Variants in CDH23 observed in about 807,000 individuals in gnomAD.
CDH23 encodes cadherin-23.
A neutral mutation model predicts 317.1 loss-of-function variants in CDH23; 189 were observed. The observed-to-expected ratio is 0.60, with a 90% CI of 0.53 to 0.67. The LOEUF is 0.67. Among genes scored for constraint, CDH23 ranks in the 30% least tolerant of loss-of-function variants. The pLI, the probability that CDH23 is intolerant of heterozygous loss-of-function variation, is 0.00. For synonymous variants in CDH23, 1,839 were observed against 1,876.8 expected, an observed-to-expected ratio of 0.98 and a Z score of 0.52; for missense variants, 4,401 against 4,592.4, an observed-to-expected ratio of 0.96 and a Z score of 1.20.
At chr10:71,405,691 G>A (rs917331093) in intron 1 of CDH23, among the ~76,000 whole-genome samples, 6 of 152,144 alleles carry the variant, frequency 3.9e-5, no homozygotes, top group Non-Finnish European at 8.8e-5. Context: ...ACCTGCCTTG[G>A]CCTCCCAAAG....
At chr10:71,789,145 G>T in intron 45 of CDH23, 103 bp downstream of exon 45, 2 of 658,710 alleles carry the variant, frequency 3.0e-6, no homozygotes, top group South Asian at 1.7e-5. Context: ...GCTGAACCTA[G>T]ACCCCAGTGG....
At position 71,538,107 on chromosome 10, in the gene CDH23, A is replaced by T. The variant is rs534389740; in HGVS notation, c.429+26895A>T. On this transcript the variant is annotated intron_variant, in intron 6 of 69. Coordinates refer to ENST00000224721, the MANE Select transcript of CDH23 (RefSeq NM_022124.6). ...AATATGTACAGCAAGGCCAGGAAAA[A>T]GATACGCAGGTCTGCATTGCTCCTG... Among the ~76,000 whole-genome samples the T allele has an allele frequency of 5.3e-5, 8 of 152,330 alleles. 1 individual carries two copies. Among genetic ancestry groups the T allele is most frequent in the Admixed American group, 5.2e-4 (8 of 15,296 alleles).
At chr10:71,490,761 A>C (rs963413610) in intron 3 of CDH23, among the ~76,000 whole-genome samples, 1 of 152,244 alleles carries the variant, frequency 6.6e-6, no homozygotes, top group South Asian at 2.1e-4. Context: ...AAAGCTTTAC[A>C]TGTATTAATT....
At chr10:71,701,613 C>T (rs988577461) in intron 22 of CDH23, among the ~76,000 whole-genome samples, 2 of 152,100 alleles carry the variant, frequency 1.3e-5, no homozygotes, top group African/African-American at 2.4e-5. Context: ...CCCAGCCCTG[C>T]GACTGCCCCA....
chr10:71,689,671 A>G (rs1340090343), intron 19 of CDH23, among the ~76,000 whole-genome samples: 1 of 152,204 alleles, frequency 6.6e-6, no homozygotes, highest in Admixed American at 6.5e-5. Context: ...TGTGGCCTCA[A>G]TGCTTTATCC....
chr10:71,635,969 A>T (rs1216814028), intron 11 of CDH23, among the ~76,000 whole-genome samples: 1 of 151,942 alleles, frequency 6.6e-6, no homozygotes, highest in Non-Finnish European at 1.5e-5. Flanking sequence ...AAGGGCACTA[A>T]TCCCTTTCAT....
At chr10:71,736,128 T>C (rs1839557817) in intron 34 of CDH23, among the ~76,000 whole-genome samples, 4 of 152,234 alleles carry the variant, frequency 2.6e-5, no homozygotes, top group Non-Finnish European at 2.9e-5. Flanking sequence ...TCAGCACGGC[T>C]GTTGAGGGCT....
chr10:71,610,620 T>C (rs1046438257), intron 9 of CDH23, among the ~76,000 whole-genome samples: 74 of 152,330 alleles, frequency 4.9e-4, no homozygotes, highest in African/African-American at 1.8e-3. Flanking sequence ...GCAAACAGCT[T>C]AGCTCAGTGC....
At chr10:71,642,551 A>T (rs1217429413) in intron 11 of CDH23, among the ~76,000 whole-genome samples, 2 of 151,920 alleles carry the variant, frequency 1.3e-5, no homozygotes, top group Non-Finnish European at 2.9e-5. Flanking sequence ...GGCGTGCATC[A>T]ACATGCCCAG....
intron 14 of CDH23, among the ~76,000 whole-genome samples, chr10:71,648,624 A>G (rs1056617089): frequency 4.6e-5 from 7 of 152,148 alleles, no homozygotes; most frequent in Admixed American, 3.9e-4. Context: ...CGGTGGTGCC[A>G]AGGACAGCTG....
chr10:71,403,322 CCTTCCTTTCTTTCTTTCTTTCTTT>C (rs1252775047), intron 1 of CDH23, among the ~76,000 whole-genome samples: 29 of 92,376 alleles, frequency 3.1e-4, no homozygotes, highest in Non-Finnish European at 4.3e-4. Context: ...TTTCTTCCTT[CCTTCCTTTCTTTCTTTCTTTCTTT>C]CTTTCTTTCT....
intron 69 of CDH23, among the ~76,000 whole-genome samples, chr10:71,814,686 A>ACACG (rs1044948385): frequency 1.4e-5 from 2 of 139,580 alleles, no homozygotes; most frequent in Non-Finnish European, 3.1e-5. Context: ...GCCGATACAC[A>ACACG]CACACACAAT....
chr10:71,751,690 T>C lies in CDH23; in HGVS notation c.4845+9769T>C, dbSNP rs773315626. On this transcript the variant is annotated intron_variant, in intron 38 of 69. Coordinates refer to ENST00000224721, the MANE Select transcript of CDH23 (RefSeq NM_022124.6). This position sits in a 1 kb window ranked among gnomAD's most constrained non-coding sequence, Gnocchi z 4.9. ...TACCCAGGGATGGGAAGAAGACGTC[T>C]CCGGGGCCTGGAGGAGACAGGGGGG... 1.3e-6 allele frequency: 2 copies of C among 1,545,532 alleles called. No homozygotes were observed. Among genetic ancestry groups the C allele is most frequent in the Non-Finnish European group, 1.7e-6 (2 of 1,148,940 alleles).
chr10:71,790,853 A>T, intron 46 of CDH23: 1 of 535,022 alleles, frequency 1.9e-6, no homozygotes, highest in Non-Finnish European at 3.4e-6. Flanking sequence ...AGAGACGGTC[A>T]ACCCTGTGCC....
At position 71,617,370 on chromosome 10, in the gene CDH23, A is replaced by C. The variant is rs1043071616; in HGVS notation, c.1111A>C (p.Ile371Leu). Residue 371 changes from isoleucine (I) to leucine (L), a missense_variant, in exon 11 of 70, where the codon ATC becomes CTC. Ile to Leu is a conservative substitution (Grantham distance 5). Transcript: ENST00000224721. ...GGTCGGCTTTGCCCTTCCACTCTTC[A>C]TCCAGGTGGTGGACAAGGATGAGGT... ...AQVGFALPLFIQVVDKDENLG... is the reference protein window; with the variant it reads ...AQVGFALPLFLQVVDKDENLG... The C allele has an allele frequency of 6.2e-7, 1 of 1,613,666 alleles. No homozygotes were observed. The highest frequency in any genetic ancestry group is 1.3e-5 in the African/African-American group (1 of 74,904).
intron 17 of CDH23, among the ~76,000 whole-genome samples, chr10:71,680,746 CAA>C (rs1234418702): frequency 1.9e-4 from 3 of 15,940 alleles, no homozygotes; most frequent in Admixed American, 1.6e-3. Context: ...CACTCCGTCT[CAA>C]AAAAAAAAAA....
At chr10:71,591,575 C>T (rs957527741) in intron 9 of CDH23, among the ~76,000 whole-genome samples, 1 of 151,946 alleles carries the variant, frequency 6.6e-6, no homozygotes, top group Non-Finnish European at 1.5e-5. Flanking sequence ...TGTGTGATAC[C>T]CTTAAAGAGT....
At chr10:71,578,892 G>A (rs920477267) in intron 9 of CDH23, among the ~76,000 whole-genome samples, 9 of 152,196 alleles carry the variant, frequency 5.9e-5, no homozygotes, top group African/African-American at 2.2e-4. Context: ...ACTGGGAGTG[G>A]CATTGTTGGA....
chr10:71,546,407 A>C (rs1036219440), intron 6 of CDH23, among the ~76,000 whole-genome samples: 2 of 152,178 alleles, frequency 1.3e-5, no homozygotes, highest in African/African-American at 4.8e-5. Context: ...GCAGTTGTGG[A>C]GTTTTAATGC....
Sources: gnomAD v4.1 joint callset for allele counts (sites outside exome capture counted in the v4.1 genomes callset) on GRCh38, gnomAD v4.1.1 for gene constraint, Gnocchi (gnomAD v3.1) non-coding constraint, MANE v1.5 for transcripts, NCBI Gene and HGNC (gene_info 2026-07-23, HGNC 2026-07-21) for gene names.